RTN1: variants seen among roughly 807,000 people sequenced by gnomAD.
The protein encoded by RTN1 is reticulon 1.
RTN1 carries 25 observed loss-of-function variants against 65.5 expected under a neutral mutation model. The observed-to-expected ratio is 0.38, with a 90% CI of 0.28 to 0.53. The LOEUF (loss-of-function observed/expected upper bound fraction) is 0.53. Among genes scored for constraint, RTN1 ranks in the 20% least tolerant of loss-of-function variants. The probability of loss-of-function intolerance (pLI) is 0.79; values close to 1 mark genes in which losing one functional copy is unlikely to be tolerated. For synonymous variants in RTN1, 471 were observed against 447.6 expected (o/e 1.05, Z -0.66); for missense variants, 983 against 1,025.4 (o/e 0.96, Z 0.57).
chr14:59,610,321 G>T, intron 3 of RTN1: 2 of 573,558 alleles, frequency 3.5e-6, no homozygotes, highest in Non-Finnish European at 6.2e-6. Context: ...AAGATTGCAG[G>T]AGGTTTCTAA....
At chr14:59,750,960 C>T (rs918352835) in intron 1 of RTN1, among the ~76,000 whole-genome samples, 16 of 147,182 alleles carry the variant, frequency 1.1e-4, no homozygotes, top group African/African-American at 3.9e-4. Flanking sequence ...TCAAATGATC[C>T]TTCTGCCTTG....
intron 2 of RTN1, among the ~76,000 whole-genome samples, chr14:59,743,473 C>A (rs750700896): frequency 6.6e-6 from 1 of 152,060 alleles, no homozygotes; most frequent in African/African-American, 2.4e-5. Context: ...AGTATCTTTA[C>A]GGCAGGAAAT....
chr14:59,615,492 C>A (rs1192630256), intron 3 of RTN1, among the ~76,000 whole-genome samples: 1 of 152,078 alleles, frequency 6.6e-6, no homozygotes, highest in Non-Finnish European at 1.5e-5. Context: ...CAAAATCATA[C>A]TGATGTGGGG....
chr14:59,694,386 A>G (rs1176655921), intron 3 of RTN1, among the ~76,000 whole-genome samples: 2 of 152,182 alleles, frequency 1.3e-5, no homozygotes, highest in Non-Finnish European at 2.9e-5. Context: ...AAACACTCTA[A>G]GAATGGAGGG....
At chr14:59,673,016 T>C (rs1883544238) in intron 3 of RTN1, among the ~76,000 whole-genome samples, 1 of 152,254 alleles carries the variant, frequency 6.6e-6, no homozygotes, top group South Asian at 2.1e-4. Flanking sequence ...CTTTTCTTTA[T>C]GACATTGGTT....
At chr14:59,658,331 G>C (rs1316334176) in intron 3 of RTN1, among the ~76,000 whole-genome samples, 2 of 152,244 alleles carry the variant, frequency 1.3e-5, no homozygotes, top group African/African-American at 2.4e-5. Context: ...AGCTTCAGCA[G>C]ACTTAAATGT....
Position 59,727,835 on chromosome 14 carries a change from T to A in RTN1, c.1016-167A>T. ...AAATAATCTGTTTCCAGGGCTATGC[T>A]GGAAAGACAGGCCACCTGAACTAAA... On this transcript the variant is annotated intron_variant, in intron 2 of 8. Coordinates refer to ENST00000267484, the MANE Select transcript of RTN1 (RefSeq NM_021136.3). This position sits in a 1 kb window ranked among gnomAD's most constrained non-coding sequence, Gnocchi z 4.2. 1.9e-6 allele frequency: 2 copies of A among 1,026,014 alleles called. No individual in the cohort carries two copies. Among genetic ancestry groups the A allele is most frequent in the Non-Finnish European group, 2.7e-6 (2 of 743,478 alleles). The allele number at this position is 1,026,014 out of a possible 1,614,324, so 63.6% of individuals were successfully genotyped here.
At chr14:59,739,347 C>A (rs1885068131) in intron 2 of RTN1, among the ~76,000 whole-genome samples, 1 of 152,032 alleles carries the variant, frequency 6.6e-6, no homozygotes, top group East Asian at 1.9e-4. Context: ...GGGAGACCAG[C>A]CTGGCCAGCA....
intron 3 of RTN1, among the ~76,000 whole-genome samples, chr14:59,675,453 G>C (rs1468439869): frequency 1.4e-5 from 2 of 144,692 alleles, no homozygotes; most frequent in African/African-American, 5.3e-5. Context: ...TTGGGGGGGG[G>C]GCGCTATAAT....
At position 59,606,116 on chromosome 14, in the gene RTN1, ATATATATAT is replaced by A. The variant is rs1566658069; in HGVS notation, c.1974-619_1974-611del. 19 of 102,518 alleles carry A rather than the reference ATATATATAT, an allele frequency of 1.9e-4. 4 individuals carry two copies. The highest frequency in any genetic ancestry group is 6.5e-4 in the African/African-American group (18 of 27,826). 6.4% of individuals were successfully genotyped at this position (102,518 alleles called of 1,614,324 possible). ...TGGGAAAAACATGATATATATATAT[ATATATATAT>A]ATCATACCAGCTTAAGCCTCCTCTG... On this transcript the variant is annotated intron_variant, in intron 4 of 8. Coordinates refer to ENST00000267484, the MANE Select transcript of RTN1 (RefSeq NM_021136.3).
chr14:59,598,387 T>C (rs968585583), intron 8 of RTN1, among the ~76,000 whole-genome samples: 20 of 152,278 alleles, frequency 1.3e-4, no homozygotes, highest in African/African-American at 4.1e-4. Flanking sequence ...TGGGGTGAGA[T>C]TGCACGATGT....
At chr14:59,703,518 C>G (rs1884224642) in intron 3 of RTN1, among the ~76,000 whole-genome samples, 1 of 152,190 alleles carries the variant, frequency 6.6e-6, no homozygotes, top group Non-Finnish European at 1.5e-5. Flanking sequence ...GACATGCCAG[C>G]ACTATGCTTC....
In RTN1 at chr14:59,727,209, G is replaced by A. The variant is rs760633702; in HGVS notation, c.1475C>T (p.Pro492Leu). The change falls in exon 3 of 9, where the codon CCC becomes CTC. Residue 492 changes from proline (P) to leucine (L), a missense_variant. Physicochemically the swap from Pro to Leu is moderately conservative, Grantham distance 98 (BLOSUM62 -3). Coordinates refer to ENST00000267484, the MANE Select transcript of RTN1 (RefSeq NM_021136.3). The surrounding 1 kb of genome is among the most constrained non-coding windows in gnomAD (Gnocchi z 4.2). ...CTCCCGGATGGCATCCAGGGCGCTG[G>A]GCTTCATCGGGGGTGAGTCCTGCTC... is the stretch of plus-strand genomic sequence containing the variant. ...KREQDSPPMK[P>L]SALDAIREET... The A allele has an allele frequency of 3.8e-6, 6 of 1,574,668 alleles. No individual in the cohort carries two copies. Among genetic ancestry groups the A allele is most frequent in the Non-Finnish European group, 3.4e-6 (4 of 1,160,514 alleles).
At chr14:59,668,739 A>T (rs1232711920) in intron 3 of RTN1, among the ~76,000 whole-genome samples, 2 of 152,254 alleles carry the variant, frequency 1.3e-5, no homozygotes, top group African/African-American at 4.8e-5. Context: ...TCTACAAAGA[A>T]TTCAAACAAA....
chr14:59,709,163 T>C (rs544451571), intron 3 of RTN1, among the ~76,000 whole-genome samples: 1 of 152,300 alleles, frequency 6.6e-6, no homozygotes, highest in South Asian at 2.1e-4. Flanking sequence ...CTGAAGCTTG[T>C]AGGGGTGAAA....
At chr14:59,613,589 C>T (rs113261829) in intron 3 of RTN1, among the ~76,000 whole-genome samples, 2,525 of 152,204 alleles carry the variant, frequency 0.017, 37 homozygotes, top group African/African-American at 0.029. Flanking sequence ...TGAGCCACCG[C>T]GCCCGGCCTA....
intron 1 of RTN1, among the ~76,000 whole-genome samples, chr14:59,824,180 C>T (rs145344375): frequency 1.7e-4 from 26 of 152,290 alleles, no homozygotes; most frequent in African/African-American, 5.1e-4. Flanking sequence ...ATCTACTTAT[C>T]CATTGTCAAT....
intron 3 of RTN1, among the ~76,000 whole-genome samples, chr14:59,615,078 A>C (rs887252340): frequency 2.0e-5 from 3 of 152,252 alleles, no homozygotes; most frequent in Non-Finnish European, 4.4e-5. Context: ...GAAAGGGTTA[A>C]TCTTGTAAAA....
At chr14:59,617,622 G>C in intron 3 of RTN1, among the ~76,000 whole-genome samples, 1 of 152,256 alleles carries the variant, frequency 6.6e-6, no homozygotes, top group East Asian at 1.9e-4. Flanking sequence ...TGTTCTTGAG[G>C]TTTTTTCTGC....
Sources: allele counts gnomAD v4.1 joint callset (sites outside exome capture counted in the v4.1 genomes callset), GRCh38; gene constraint gnomAD v4.1.1; non-coding constraint Gnocchi (gnomAD v3.1); transcripts MANE v1.5; gene names NCBI Gene and HGNC (gene_info 2026-07-23, HGNC 2026-07-21).